Variants in CREM observed in about 807,000 individuals in gnomAD.
The protein encoded by CREM is cAMP responsive element modulator, also known as cAMP-responsive element modulator.
In CREM, 13 loss-of-function variants were observed where a neutral mutation model predicts 37.3. The ratio of observed to expected loss-of-function variants is 0.35; its 90% CI spans 0.23 to 0.55. The LOEUF (loss-of-function observed/expected upper bound fraction) is 0.55, where lower values mean the gene tolerates loss of function less well. CREM is among the 20% of genes least tolerant of loss of function. The pLI is 0.88. For synonymous variants in CREM, 124 were observed against 120.2 expected (o/e 1.03, Z -0.21); for missense variants, 296 against 362.3 (o/e 0.82, Z 1.49).
chr10:35,131,489 A>G (rs905438982), intron 1 of CREM, among the ~76,000 whole-genome samples: 7 of 152,126 alleles, frequency 4.6e-5, no homozygotes, highest in Non-Finnish European at 1.0e-4. Flanking sequence ...TTTTAACTGG[A>G]ATTTATATCT....
intron 3 of CREM, among the ~76,000 whole-genome samples, chr10:35,155,527 A>G (rs1196081701): frequency 2.6e-5 from 4 of 152,220 alleles, no homozygotes; most frequent in African/African-American, 9.7e-5. Flanking sequence ...GATAATGAAT[A>G]ACAAAAAAAA....
At chr10:35,129,918 C>T (rs965075754) in intron 1 of CREM, among the ~76,000 whole-genome samples, 3 of 152,076 alleles carry the variant, frequency 2.0e-5, no homozygotes, top group African/African-American at 7.2e-5. Context: ...CAGTTTAGGC[C>T]GGGCATGGTG....
chr10:35,211,379 A>G lies in CREM; in HGVS notation c.881A>G (p.Tyr294Cys). 1 of 1,613,976 alleles carries G rather than the reference A, an allele frequency of 6.2e-7. No homozygotes were observed. The highest frequency in any genetic ancestry group is 8.5e-7 in the Non-Finnish European group (1 of 1,179,918). Residue 294 changes from tyrosine to cysteine, a missense_variant, in exon 8 of 8, where the codon TAT becomes TGT. Tyr to Cys is a radical substitution (Grantham distance 194). Transcript: ENST00000685392. ...IEELKALKDL[Y>C]CHKVE ...GAACTCAAGGCCCTCAAAGATCTTT[A>G]TTGCCATAAAGTAGAGTAACTGTCT...
intron 6 of CREM, among the ~76,000 whole-genome samples, chr10:35,199,064 A>G (rs1459902541): frequency 2.6e-5 from 4 of 152,192 alleles, no homozygotes; most frequent in South Asian, 2.1e-4. Flanking sequence ...CGGAAGAATC[A>G]CTTGAACCTG....
rs1462061565 is a variant in CREM at position 35,212,698 on chromosome 10, T to C, written c.*1300T>C. The C allele has an allele frequency of 1.3e-5, 2 of 152,658 alleles. No homozygotes were observed. Among genetic ancestry groups the C allele is most frequent in the Non-Finnish European group, 2.9e-5 (2 of 68,036 alleles). 9.5% of individuals were successfully genotyped at this position (152,658 alleles called of 1,614,324 possible). On this transcript the variant is annotated 3_prime_UTR_variant, in exon 8 of 8. Coordinates refer to ENST00000685392, the MANE Select transcript of CREM (RefSeq NM_183011.2). Reference sequence around the variant, plus strand: ...TCGGCCTTCATAATGGCCTGAGACTTTCTTTCTGTAGGTGGTCTGGAGCTG... The same window carrying C: ...TCGGCCTTCATAATGGCCTGAGACTCTCTTTCTGTAGGTGGTCTGGAGCTG...
chr10:35,164,469 T>A (rs954444320), intron 3 of CREM, among the ~76,000 whole-genome samples: 1 of 152,268 alleles, frequency 6.6e-6, no homozygotes, highest in Non-Finnish European at 1.5e-5. Context: ...TTCCGGTATG[T>A]CAGGAGCTTG....
intron 3 of CREM, among the ~76,000 whole-genome samples, chr10:35,158,793 A>G (rs924852904): frequency 7.0e-6 from 1 of 143,454 alleles, no homozygotes; most frequent in Non-Finnish European, 1.5e-5. Context: ...AGTAGCAAAT[A>G]TAGTGTTTTT....
intron 6 of CREM, among the ~76,000 whole-genome samples, chr10:35,193,489 A>G (rs1246413931): frequency 2.0e-5 from 3 of 152,198 alleles, no homozygotes; most frequent in African/African-American, 7.2e-5. Context: ...TACTAATAGC[A>G]TTCTTGGACC....
chr10:35,167,045 G>A (rs1348197540), intron 3 of CREM, among the ~76,000 whole-genome samples: 2 of 152,114 alleles, frequency 1.3e-5, no homozygotes, highest in Non-Finnish European at 2.9e-5. Context: ...GGTGGCTAAG[G>A]CAGGAGAATT....
rs9336981 is a variant in CREM, at chr10:35,135,721, GAAAAAAA to G, written c.-54-2045_-54-2039del. Reference sequence around the variant, plus strand: ...GGCAACATAGTGATACCTATTTCTGGAAAAAAAAAAAAAAAAAAAAAAGAGAGACATT... The same window carrying G: ...GGCAACATAGTGATACCTATTTCTGGAAAAAAAAAAAAAAAGAGAGACATT... On this transcript the variant is annotated intron_variant, in intron 1 of 7. Coordinates refer to ENST00000685392, the MANE Select transcript of CREM (RefSeq NM_183011.2). Among the ~76,000 whole-genome samples the G allele has an allele frequency of 6.0e-3, 305 of 50,568 alleles. 2 individuals carry two copies. Among genetic ancestry groups the G allele is most frequent in the African/African-American group, 0.022 (288 of 13,338 alleles). The allele number at this position is 50,568 out of a possible 152,430, so 33.2% of individuals were successfully genotyped here. A position where few individuals can be genotyped will look rare whatever the true frequency, so the allele number is the denominator to read the frequency against.
intron 3 of CREM, among the ~76,000 whole-genome samples, chr10:35,157,048 G>T (rs1392208575): frequency 1.3e-5 from 2 of 152,154 alleles, no homozygotes; most frequent in African/African-American, 4.8e-5. Flanking sequence ...CATTAACAGT[G>T]ATCAAGTACC....
chr10:35,170,095 T>G (rs1240443011), intron 3 of CREM, among the ~76,000 whole-genome samples: 1 of 151,870 alleles, frequency 6.6e-6, no homozygotes, highest in Non-Finnish European at 1.5e-5. Context: ...CCCTAGTAGC[T>G]GGGACTACAG....
At chr10:35,159,008 A>C (rs2093123863) in intron 3 of CREM, among the ~76,000 whole-genome samples, 1 of 151,992 alleles carries the variant, frequency 6.6e-6, no homozygotes, top group African/African-American at 2.4e-5. Context: ...AAAGTGATTA[A>C]ATAATTTTTC....
chr10:35,168,202 T>C (rs972747234), intron 3 of CREM, among the ~76,000 whole-genome samples: 5 of 152,196 alleles, frequency 3.3e-5, no homozygotes, highest in Admixed American at 3.3e-4. Context: ...TTGAACTAGT[T>C]TACAGTCCCA....
chr10:35,147,275 G>T (rs112844134), intron 2 of CREM, among the ~76,000 whole-genome samples: 17 of 151,792 alleles, frequency 1.1e-4, no homozygotes, highest in African/African-American at 4.1e-4. Flanking sequence ...GGATGGTCTC[G>T]ATCTCCTGAC....
intron 3 of CREM, among the ~76,000 whole-genome samples, chr10:35,158,800 T>TG (rs2093084718): frequency 7.8e-6 from 1 of 127,970 alleles, no homozygotes; most frequent in South Asian, 2.6e-4. Flanking sequence ...AATATAGTGT[T>TG]TTTTTTTTGT....
intron 7 of CREM, among the ~76,000 whole-genome samples, chr10:35,208,281 C>T (rs917658180): frequency 2.6e-5 from 4 of 152,144 alleles, no homozygotes; most frequent in African/African-American, 9.7e-5. Context: ...TATGTACTTC[C>T]AGTCAGCTCT....
In CREM at chr10:35,206,196, C is replaced by T. The variant is rs572608868; in HGVS notation, c.599-699C>T. Among the ~76,000 whole-genome samples the T allele has an allele frequency of 1.1e-3, 164 of 151,418 alleles. 1 individual carries two copies. Among genetic ancestry groups the T allele is most frequent in the African/African-American group, 3.7e-3 (153 of 41,218 alleles). On this transcript the variant is annotated intron_variant, in intron 6 of 7. Transcript: ENST00000685392. ...CCAGGAGGCGGAGCTTGCAGTGAGC[C>T]AAGATCGCGCCACTGCACTCCAGCC... is the stretch of plus-strand genomic sequence containing the variant.
Position 35,188,252 on chromosome 10 carries a change from T to C in CREM, c.462T>C (p.Gly154=). 6.2e-7 allele frequency: 1 copy of C among 1,614,178 alleles called. No homozygotes were observed. Among genetic ancestry groups the C allele is most frequent in the Non-Finnish European group, 8.5e-7 (1 of 1,180,022 alleles). The part of the protein sequence containing the change: ...TIQISNPGSD[G]VQGLQALTMT... The stretch of plus-strand genomic sequence containing the variant: ...AGATTTCTAACCCAGGATCTGATGG[T>C]GTTCAGGGACTGCAGGCATTAACAA... The change falls in exon 6 of 8, where the codon GGT becomes GGC. Residue 154 remains glycine, a synonymous_variant. Coordinates refer to ENST00000685392, the MANE Select transcript of CREM (RefSeq NM_183011.2).
Sources: allele counts gnomAD v4.1 joint callset (sites outside exome capture counted in the v4.1 genomes callset), GRCh38; gene constraint gnomAD v4.1.1; transcripts MANE v1.5; gene names NCBI Gene and HGNC (gene_info 2026-07-23, HGNC 2026-07-21).